OR9Q1: variants seen among roughly 807,000 people sequenced by gnomAD.
OR9Q1 encodes the protein olfactory receptor 9Q1.
For missense variants in OR9Q1, 374 were observed against 378.8 expected, an observed-to-expected ratio of 0.99 and a Z score of 0.11; for synonymous variants, 153 against 148.6, an observed-to-expected ratio of 1.03 and a Z score of -0.22.
rs148079508 is a variant in OR9Q1, at chr11:58,106,272, C to G, written c.-15+50325C>G. Among the ~76,000 whole-genome samples the G allele has an allele frequency of 1.3e-4, 19 of 151,402 alleles. No homozygotes were observed. In the East Asian group the frequency reaches 3.7e-3, roughly 29 times the overall value. ...TGATGCTGAGCACCTTTTAATATAC[C>G]TGTTGGCTGTTTGTAGGTCTTCTTT... On this transcript the variant is annotated intron_variant, in intron 2 of 2. Transcript: ENST00000335397.
intron 2 of OR9Q1, among the ~76,000 whole-genome samples, chr11:58,177,922 T>A (rs1854620614): frequency 6.6e-6 from 1 of 151,944 alleles, no homozygotes; most frequent in South Asian, 2.1e-4. Flanking sequence ...TGGGTTGAGG[T>A]TTGAAGGTAG....
chr11:58,042,255 C>T (rs1342390521), intron 1 of OR9Q1, among the ~76,000 whole-genome samples: 2 of 152,090 alleles, frequency 1.3e-5, no homozygotes, highest in Non-Finnish European at 2.9e-5. Context: ...CCTAGGTTTT[C>T]TTCTAGGGTT....
At position 58,096,415 on chromosome 11, in the gene OR9Q1, C is replaced by T. The variant is rs191484255; in HGVS notation, c.-15+40468C>T. On this transcript the variant is annotated intron_variant, in intron 2 of 2. Transcript: ENST00000335397. Reference sequence around the variant, plus strand: ...CCTCCACAGACAACCGCTATTCTGACATCTATGACTATAAATTAGTTTGCC... The same window carrying T: ...CCTCCACAGACAACCGCTATTCTGATATCTATGACTATAAATTAGTTTGCC... 2.8e-3 allele frequency among the ~76,000 whole-genome samples: 423 copies of T among 152,316 alleles called. 1 individual carries two copies. Among genetic ancestry groups the T allele is most frequent in the African/African-American group, 9.4e-3 (392 of 41,588 alleles).
intron 2 of OR9Q1, among the ~76,000 whole-genome samples, chr11:58,115,141 C>T (rs915935388): frequency 1.2e-4 from 19 of 152,116 alleles, no homozygotes; most frequent in African/African-American, 4.3e-4. Context: ...AGAATTGAAA[C>T]TTGAAAATAG....
At chr11:58,072,442 T>G (rs1207290891) in intron 2 of OR9Q1, 1 of 161,246 alleles carries the variant, frequency 6.2e-6, no homozygotes, top group Non-Finnish European at 1.4e-5. Context: ...ATATTTCTCA[T>G]GGAAGAAATT....
intron 2 of OR9Q1, among the ~76,000 whole-genome samples, chr11:58,139,722 T>G (rs1854225787): frequency 2.0e-5 from 3 of 152,088 alleles, no homozygotes; most frequent in Admixed American, 2.0e-4. Flanking sequence ...TTTGCTATTG[T>G]GAATAGTGCT....
intron 2 of OR9Q1, among the ~76,000 whole-genome samples, chr11:58,088,416 G>C (rs1374842546): frequency 6.6e-6 from 1 of 151,892 alleles, no homozygotes; most frequent in Non-Finnish European, 1.5e-5. Flanking sequence ...CATAATAGGT[G>C]AACTAATTTA....
intron 2 of OR9Q1, among the ~76,000 whole-genome samples, chr11:58,121,416 C>T (rs1054113412): frequency 1.3e-5 from 2 of 152,198 alleles, no homozygotes; most frequent in African/African-American, 2.4e-5. Context: ...CATCTCTACT[C>T]TCCCAGGACC....
intron 2 of OR9Q1, among the ~76,000 whole-genome samples, chr11:58,096,158 T>C (rs1244906955): frequency 2.6e-5 from 4 of 151,716 alleles, no homozygotes; most frequent in Non-Finnish European, 5.9e-5. Flanking sequence ...CCCTTTTTTT[T>C]TTTTTTCAGG....
intron 2 of OR9Q1, among the ~76,000 whole-genome samples, chr11:58,086,358 G>T (rs1456366111): frequency 2.0e-5 from 3 of 151,824 alleles, no homozygotes; most frequent in Non-Finnish European, 4.4e-5. Flanking sequence ...GATAAAAGAT[G>T]AGTTTTGGTG....
chr11:58,027,436 C>T (rs1425343606), intron 1 of OR9Q1, among the ~76,000 whole-genome samples: 1 of 152,092 alleles, frequency 6.6e-6, no homozygotes, highest in Non-Finnish European at 1.5e-5. Context: ...GTGTATGGAC[C>T]ATGAGCTAAG....
intron 2 of OR9Q1, among the ~76,000 whole-genome samples, chr11:58,107,660 G>C (rs1192471739): frequency 1.3e-5 from 2 of 152,032 alleles, no homozygotes; most frequent in East Asian, 3.9e-4. Context: ...TGGTATTTCT[G>C]GTTCTAGATC....
intron 2 of OR9Q1, among the ~76,000 whole-genome samples, chr11:58,129,842 C>A (rs974062116): frequency 4.6e-5 from 7 of 151,936 alleles, no homozygotes; most frequent in African/African-American, 1.5e-4. Context: ...TATAAGAGGG[C>A]AGGGCTTTTT....
chr11:58,136,042 T>A (rs1441090263), intron 2 of OR9Q1, among the ~76,000 whole-genome samples: 2 of 152,134 alleles, frequency 1.3e-5, no homozygotes, highest in African/African-American at 4.8e-5. Context: ...GAAAATCCCA[T>A]TAGTTTTCTG....
At chr11:58,118,745 T>C (rs148991955) in intron 2 of OR9Q1, 115 of 1,613,948 alleles carry the variant, frequency 7.1e-5, no homozygotes, top group Non-Finnish European at 9.7e-5. Flanking sequence ...GTCTTGGCCC[T>C]GCCACCTGAA....
chr11:58,159,911 G>T (rs575227836), intron 2 of OR9Q1, among the ~76,000 whole-genome samples: 115 of 152,310 alleles, frequency 7.6e-4, no homozygotes, highest in African/African-American at 2.7e-3. Context: ...AAGAGATGGG[G>T]TCTATGATCT....
chr11:58,079,318 C>CT (rs1853567743), intron 2 of OR9Q1, among the ~76,000 whole-genome samples: 1 of 151,866 alleles, frequency 6.6e-6, no homozygotes, highest in Non-Finnish European at 1.5e-5. Flanking sequence ...CCTTGGGCTC[C>CT]TGAAGGAGTT....
At chr11:58,113,649 G>T (rs1853923505) in intron 2 of OR9Q1, among the ~76,000 whole-genome samples, 1 of 152,158 alleles carries the variant, frequency 6.6e-6, no homozygotes, top group Non-Finnish European at 1.5e-5. Flanking sequence ...TGTTGTATAG[G>T]GGGGTAATAA....
chr11:58,038,927 G>A (rs1853133178), intron 1 of OR9Q1, among the ~76,000 whole-genome samples: 1 of 151,986 alleles, frequency 6.6e-6, no homozygotes, highest in Non-Finnish European at 1.5e-5. Context: ...TGTTGGCTTT[G>A]GCTGTGGAAT....
Sources: allele counts gnomAD v4.1 joint callset (sites outside exome capture counted in the v4.1 genomes callset), GRCh38; gene constraint gnomAD v4.1.1; transcripts MANE v1.5; gene names NCBI Gene and HGNC (gene_info 2026-07-23, HGNC 2026-07-21).